Variants in GPC6 observed in about 807,000 individuals in gnomAD.
GPC6 encodes the protein glypican 6.
Under a neutral mutation model 55.2 loss-of-function variants are expected in GPC6, and 14 were observed. That is an observed-to-expected ratio of 0.25 (90% CI 0.17 to 0.40). The LOEUF is 0.40. GPC6 is among the 10% of genes least tolerant of loss of function. The pLI is 1.00. For synonymous variants in GPC6, 278 were observed against 259.6 expected (o/e 1.07, Z -0.68); for missense variants, 641 against 708.5 (o/e 0.90, Z 1.08).
At chr13:93,325,480 G>A (rs1879622428) in intron 1 of GPC6, among the ~76,000 whole-genome samples, 1 of 152,160 alleles carries the variant, frequency 6.6e-6, no homozygotes, top group Non-Finnish European at 1.5e-5. Flanking sequence ...TGATGTGGTG[G>A]AGGCAGATGA....
In GPC6 at chr13:93,482,204, G is replaced by A. The variant is rs962538355; in HGVS notation, c.161-63059G>A. On this transcript the variant is annotated intron_variant, in intron 1 of 8. Transcript: ENST00000377047. ...TCTTTGTTAGTGTGTAGAAACACAAGTGCTTTTCTTCTGTTAATTTCAGAA... is the reference window on the plus strand; with the variant it reads ...TCTTTGTTAGTGTGTAGAAACACAAATGCTTTTCTTCTGTTAATTTCAGAA... Among the ~76,000 whole-genome samples, 6 of 151,980 alleles carry A rather than the reference G, an allele frequency of 3.9e-5. No individual in the cohort carries two copies. In the East Asian group the frequency reaches 9.6e-4, roughly 24 times the overall value.
intron 3 of GPC6, among the ~76,000 whole-genome samples, chr13:94,018,101 C>A (rs1042043150): frequency 6.6e-6 from 1 of 152,090 alleles, no homozygotes; most frequent in African/African-American, 2.4e-5. Context: ...CCTTCTATTC[C>A]TACTTTTCTG....
At chr13:94,205,710 C>T (rs962711106) in intron 4 of GPC6, among the ~76,000 whole-genome samples, 5 of 152,322 alleles carry the variant, frequency 3.3e-5, no homozygotes, top group Admixed American at 3.3e-4. Flanking sequence ...TTTAGCTCTC[C>T]ATGCTTTGTG....
intron 1 of GPC6, among the ~76,000 whole-genome samples, chr13:93,412,002 CAA>C (rs58692924): frequency 1.4e-5 from 2 of 138,270 alleles, no homozygotes; most frequent in East Asian, 4.0e-4. Flanking sequence ...GACTATGTCT[CAA>C]AAAAAAAAAA....
chr13:93,578,125 C>T (rs1444612850), intron 2 of GPC6, among the ~76,000 whole-genome samples: 1 of 151,132 alleles, frequency 6.6e-6, no homozygotes. Flanking sequence ...AGGATTTTTG[C>T]TTCTATGTTC....
At position 93,850,493 on chromosome 13, in the gene GPC6, T is replaced by A. The variant is rs992229896; in HGVS notation, c.711+19948T>A. The stretch of plus-strand genomic sequence containing the variant: ...AGAAGCATAAATTCTAATGAAGATA[T>A]GAAAATTCACTGTTTATTGAGAAAA... On this transcript the variant is annotated intron_variant, in intron 3 of 8. Coordinates refer to ENST00000377047, the MANE Select transcript of GPC6 (RefSeq NM_005708.5). Among the ~76,000 whole-genome samples the A allele has an allele frequency of 2.0e-5, 3 of 152,108 alleles. No individual in the cohort carries two copies. In the South Asian group the frequency reaches 6.2e-4, roughly 32 times the overall value.
chr13:94,079,040 TA>T (rs1566375145), intron 4 of GPC6, among the ~76,000 whole-genome samples: 1 of 151,948 alleles, frequency 6.6e-6, no homozygotes, highest in South Asian at 2.1e-4. Context: ...AAAATACTTT[TA>T]AAAAATAAGA....
chr13:94,291,406 G>A (rs530756947), intron 5 of GPC6, among the ~76,000 whole-genome samples: 1 of 152,246 alleles, frequency 6.6e-6, no homozygotes, highest in Admixed American at 6.5e-5. Flanking sequence ...GAAGCCAGGA[G>A]CCTAATGTGG....
chr13:94,099,286 G>A (rs1448883434), intron 4 of GPC6, among the ~76,000 whole-genome samples: 2 of 152,132 alleles, frequency 1.3e-5, no homozygotes, highest in Admixed American at 6.5e-5. Context: ...AAGTAACATT[G>A]TTATACTTGC....
intron 6 of GPC6, among the ~76,000 whole-genome samples, chr13:94,367,861 A>C (rs1879351447): frequency 6.6e-6 from 1 of 152,064 alleles, no homozygotes; most frequent in Non-Finnish European, 1.5e-5. Flanking sequence ...AGTAATGTTA[A>C]AAGTACCGGC....
rs546631886 is a variant in GPC6 at position 93,309,645 on chromosome 13, A to T, written c.160+82029A>T. Among the ~76,000 whole-genome samples the T allele has an allele frequency of 2.3e-4, 35 of 152,338 alleles. 1 individual carries two copies. In the South Asian group the frequency reaches 7.0e-3, roughly 31 times the overall value. ...AAGTATATTAACTTGGGAAAAACATACAGAAACACAAGAAGCTATCATTAT... is the reference window on the plus strand; with the variant it reads ...AAGTATATTAACTTGGGAAAAACATTCAGAAACACAAGAAGCTATCATTAT... On this transcript the variant is annotated intron_variant, in intron 1 of 8. Coordinates refer to ENST00000377047, the MANE Select transcript of GPC6 (RefSeq NM_005708.5).
chr13:93,484,705 G>A (rs567096353), intron 1 of GPC6, among the ~76,000 whole-genome samples: 3 of 152,060 alleles, frequency 2.0e-5, no homozygotes, highest in African/African-American at 7.2e-5. Context: ...CTATTAAATT[G>A]AATGTATGTA....
chr13:93,668,604 C>T (rs564926298), intron 2 of GPC6, among the ~76,000 whole-genome samples: 5 of 152,178 alleles, frequency 3.3e-5, no homozygotes, highest in Admixed American at 6.5e-5. Flanking sequence ...AGAAGCCATG[C>T]GAAAGGAGAC....
chr13:93,280,827 G>T (rs1326247279), intron 1 of GPC6, among the ~76,000 whole-genome samples: 3 of 152,178 alleles, frequency 2.0e-5, no homozygotes, highest in Non-Finnish European at 4.4e-5. Flanking sequence ...CAGATCATTA[G>T]GTATTAGATT....
chr13:93,766,642 A>G (rs894691106), intron 2 of GPC6, among the ~76,000 whole-genome samples: 14 of 152,306 alleles, frequency 9.2e-5, no homozygotes, highest in Admixed American at 5.2e-4. Flanking sequence ...GGGAAAGGAA[A>G]GGAAGAATGA....
At chr13:93,976,442 A>AT (rs1284221482) in intron 3 of GPC6, among the ~76,000 whole-genome samples, 2 of 151,926 alleles carry the variant, frequency 1.3e-5, no homozygotes, top group Non-Finnish European at 2.9e-5. Context: ...AAAAATACAC[A>AT]TTTTTGCCTA....
chr13:94,272,463 C>G (rs200077458), intron 4 of GPC6, among the ~76,000 whole-genome samples: 2 of 85,744 alleles, frequency 2.3e-5, no homozygotes, highest in Non-Finnish European at 4.3e-5. Context: ...CTTTTCTTTT[C>G]TTTTTTTTTT....
At chr13:93,737,018 C>T (rs541174570) in intron 2 of GPC6, among the ~76,000 whole-genome samples, 33 of 152,290 alleles carry the variant, frequency 2.2e-4, no homozygotes, top group African/African-American at 7.2e-4. Flanking sequence ...CTCCATTTTC[C>T]AATATGCCAT....
intron 3 of GPC6, among the ~76,000 whole-genome samples, chr13:93,983,057 G>A (rs1402010472): frequency 6.6e-6 from 1 of 152,090 alleles, no homozygotes; most frequent in African/African-American, 2.4e-5. Flanking sequence ...AAAATCTTCT[G>A]CCTTTTGCAA....
Sources: allele counts gnomAD v4.1 joint callset (sites outside exome capture counted in the v4.1 genomes callset), GRCh38; gene constraint gnomAD v4.1.1; transcripts MANE v1.5; gene names NCBI Gene and HGNC (gene_info 2026-07-23, HGNC 2026-07-21).